SFTPD: variants seen among roughly 807,000 people sequenced by gnomAD.
The protein encoded by SFTPD is pulmonary surfactant-associated protein D.
In SFTPD, 18 loss-of-function variants were observed where a neutral mutation model predicts 34.6. The observed-to-expected ratio is 0.52, with a 90% CI of 0.36 to 0.77. The LOEUF (loss-of-function observed/expected upper bound fraction) is 0.77, where lower values mean the gene tolerates loss of function less well. Among genes scored for constraint, SFTPD ranks in the 30% least tolerant of loss-of-function variants. The pLI, the probability that SFTPD is intolerant of heterozygous loss-of-function variation, is 0.00. For synonymous variants in SFTPD, 155 were observed against 180.9 expected, an observed-to-expected ratio of 0.86 and a Z score of 1.15; for missense variants, 433 against 468.9, an observed-to-expected ratio of 0.92 and a Z score of 0.71.
chr10:79,978,453 A>G (rs1842873968), intron 1 of SFTPD, among the ~76,000 whole-genome samples: 1 of 152,064 alleles, frequency 6.6e-6, no homozygotes, highest in Admixed American at 6.6e-5. Flanking sequence ...GGAGTTCAAC[A>G]CCAGCATGGG....
intron 1 of SFTPD, among the ~76,000 whole-genome samples, chr10:79,947,927 C>T (rs990112039): frequency 1.3e-5 from 2 of 152,180 alleles, no homozygotes; most frequent in African/African-American, 2.4e-5. Context: ...TGATCAGATT[C>T]GCAGAGGCTA....
chr10:79,961,212 A>T (rs1312175639), intron 1 of SFTPD, among the ~76,000 whole-genome samples: 16 of 152,186 alleles, frequency 1.1e-4, no homozygotes, highest in Non-Finnish European at 1.3e-4. Flanking sequence ...AACCTAGGCA[A>T]TACCATTCAG....
chr10:79,951,209 A>G (rs1287205691), upstream of SFTPD, among the ~76,000 whole-genome samples: 2 of 152,136 alleles, frequency 1.3e-5, no homozygotes, highest in Non-Finnish European at 2.9e-5. Flanking sequence ...TATATTGGTT[A>G]GGATCCATTG....
intron 1 of SFTPD, among the ~76,000 whole-genome samples, chr10:79,958,684 CAAT>C (rs893086353): frequency 4.6e-5 from 7 of 152,150 alleles, no homozygotes; most frequent in African/African-American, 1.4e-4. Context: ...GACCCCCACA[CAAT>C]AATAATGGGA....
Position 79,942,028 on chromosome 10 carries a change from C to T in SFTPD, c.476G>A (p.Arg159Lys), listed in dbSNP as rs1182948075. Reference protein sequence around the residue: ...APGMQGSAGARGLAGPKGERG... With the variant: ...APGMQGSAGAKGLAGPKGERG... ...CTCTCCCTTAGGGCCTGCGAGGCCTCTTGCCCCTGCCGAGCCCTGCATGCC... is the reference window on the plus strand; with the variant it reads ...CTCTCCCTTAGGGCCTGCGAGGCCTTTTGCCCCTGCCGAGCCCTGCATGCC... The change falls in exon 5 of 8, where the codon AGA becomes AAA. Residue 159 changes from arginine (R) to lysine (K), a missense_variant. By Grantham distance (26) the Arg-to-Lys change is conservative. Transcript: ENST00000372292. 1 of 1,613,902 alleles carries T rather than the reference C, an allele frequency of 6.2e-7. No homozygotes were observed. Among genetic ancestry groups the T allele is most frequent in the East Asian group, 2.2e-5 (1 of 44,876 alleles).
chr10:79,950,157 T>A (rs1180244109), upstream of SFTPD: 1 of 152,212 alleles, frequency 6.6e-6, no homozygotes, highest in African/African-American at 2.4e-5. Flanking sequence ...TCTGTATCTT[T>A]TAAGTGGAAC....
rs375725771 is a variant in SFTPD, at chr10:79,946,580, G to A, written c.80C>T (p.Ser27Phe). ...GCAAGCACTGGGCATTGTTCTGTGGGAGTAGGTCTTCATTTCTGCTTCCAG... is the reference window on the plus strand; with the variant it reads ...GCAAGCACTGGGCATTGTTCTGTGGAAGTAGGTCTTCATTTCTGCTTCCAG... ...GYLEAEMKTY[S>F]HRTMPSACTL... is the part of the protein sequence containing the mutation. The change falls in exon 2 of 8, where the codon TCC (serine) becomes TTC (phenylalanine). Residue 27 changes from serine to phenylalanine, a missense_variant. Ser to Phe is a radical substitution (Grantham distance 155). Coordinates refer to ENST00000372292, the MANE Select transcript of SFTPD (RefSeq NM_003019.5). 236 of 1,614,068 alleles carry A rather than the reference G, an allele frequency of 1.5e-4. No individual in the cohort carries two copies. The highest frequency in any genetic ancestry group is 1.8e-4 in the Non-Finnish European group (211 of 1,179,998).
intron 1 of SFTPD, among the ~76,000 whole-genome samples, chr10:79,961,350 T>C (rs1842771380): frequency 6.6e-6 from 1 of 151,878 alleles, no homozygotes; most frequent in African/African-American, 2.4e-5. Context: ...ACCATCAGAG[T>C]GAACAGGTAA....
intron 1 of SFTPD, among the ~76,000 whole-genome samples, chr10:79,954,417 G>A (rs1365099835): frequency 6.8e-6 from 1 of 147,270 alleles, no homozygotes; most frequent in Non-Finnish European, 1.5e-5. Context: ...TGCTGCAGGT[G>A]TCCGCACATG....
intron 1 of SFTPD, among the ~76,000 whole-genome samples, chr10:79,977,430 C>T (rs1842869115): frequency 6.6e-6 from 1 of 151,960 alleles, no homozygotes; most frequent in South Asian, 2.1e-4. Flanking sequence ...TTAGTTCAAG[C>T]AAGCAGCTTT....
At chr10:79,966,508 G>A (rs879500810) in intron 1 of SFTPD, among the ~76,000 whole-genome samples, 2,030 of 129,598 alleles carry the variant, frequency 0.016, 28 homozygotes, top group Non-Finnish European at 0.024. Context: ...AGTAGGTTGC[G>A]AAAATTTTCT....
chr10:79,960,693 T>A (rs1341173769), intron 1 of SFTPD, among the ~76,000 whole-genome samples: 1 of 151,964 alleles, frequency 6.6e-6, no homozygotes. Context: ...GTAGGAAGAA[T>A]CAATATCGTG....
chr10:79,964,711 T>C (rs1218829281), intron 1 of SFTPD, among the ~76,000 whole-genome samples: 2 of 152,034 alleles, frequency 1.3e-5, no homozygotes, highest in African/African-American at 4.8e-5. Context: ...ATTCTACTAC[T>C]CCTCAGGAAC....
At chr10:79,965,539 C>CTTTTTTTTTTTTTTTATTTTTTTTTTTTT (rs149878455) in intron 1 of SFTPD, among the ~76,000 whole-genome samples, 1 of 113,474 alleles carries the variant, frequency 8.8e-6, no homozygotes. Flanking sequence ...TTTTATTTTT[C>CTTTTTTTTTTTTTTTATTTTTTTTTTTTT]TTTTTTTTTT....
At chr10:79,940,653 A>T (rs964315647) in intron 7 of SFTPD, 52 bp downstream of exon 7, 2 of 1,186,050 alleles carry the variant, frequency 1.7e-6, no homozygotes, top group Non-Finnish European at 2.5e-6. Context: ...GTCAAGATCT[A>T]GTGTGGGGCC....
chr10:79,962,053 C>A (rs112662531), intron 1 of SFTPD, among the ~76,000 whole-genome samples: 3 of 144,650 alleles, frequency 2.1e-5, no homozygotes, highest in Non-Finnish European at 4.5e-5. Flanking sequence ...GACAAAAAAA[C>A]CAAACACCAC....
At chr10:79,938,767 G>T (rs1842582933) in intron 7 of SFTPD, among the ~76,000 whole-genome samples, 1 of 152,164 alleles carries the variant, frequency 6.6e-6, no homozygotes, top group East Asian at 1.9e-4. Flanking sequence ...AAAGGGGAGA[G>T]ACAGGAAGAG....
At chr10:79,943,970 G>T (rs1247253159) in intron 2 of SFTPD, among the ~76,000 whole-genome samples, 1 of 152,196 alleles carries the variant, frequency 6.6e-6, no homozygotes, top group Non-Finnish European at 1.5e-5. Context: ...CTTGTTCTTG[G>T]TACACAAACT....
At chr10:79,975,155 G>C (rs1407991001) in intron 1 of SFTPD, among the ~76,000 whole-genome samples, 1 of 152,178 alleles carries the variant, frequency 6.6e-6, no homozygotes, top group Non-Finnish European at 1.5e-5. Flanking sequence ...AGTCGCTCTA[G>C]GTGCTGCTCG....
Sources: allele counts gnomAD v4.1 joint callset (sites outside exome capture counted in the v4.1 genomes callset), GRCh38; gene constraint gnomAD v4.1.1; transcripts MANE v1.5; gene names NCBI Gene and HGNC (gene_info 2026-07-23, HGNC 2026-07-21).